The following PTPDC1 variants were observed in gnomAD, a reference collection of about 807,000 sequenced individuals.
PTPDC1 encodes protein tyrosine phosphatase domain-containing protein 1.
PTPDC1 carries 53 observed loss-of-function variants against 75.3 expected under a neutral mutation model. The observed-to-expected ratio is 0.70, with a 90% CI of 0.56 to 0.88. The LOEUF (loss-of-function observed/expected upper bound fraction) is 0.88. PTPDC1 is among the 40% of genes least tolerant of loss of function. PTPDC1 has a pLI of 0.00. For missense variants in PTPDC1, 925 were observed against 998.6 expected (o/e 0.93, Z 0.99); for synonymous variants, 349 against 366.2 (o/e 0.95, Z 0.54).
chr9:94,057,503 G>A (rs1024184150), intron 1 of PTPDC1, among the ~76,000 whole-genome samples: 2 of 152,072 alleles, frequency 1.3e-5, no homozygotes, highest in African/African-American at 2.4e-5. Flanking sequence ...AAGATATTGC[G>A]GATACTGGTT....
Position 94,084,510 on chromosome 9 carries a change from C to G in PTPDC1, c.-21C>G, listed in dbSNP as rs574702775. The G allele has an allele frequency of 2.5e-6, 4 of 1,606,974 alleles. No homozygotes were observed. The highest frequency in any genetic ancestry group is 3.4e-6 in the Non-Finnish European group (4 of 1,179,788). On this transcript the variant is annotated 5_prime_UTR_variant, in exon 1 of 9. Transcript: ENST00000620992. The stretch of plus-strand genomic sequence containing the variant: ...GAGTGGGGCTGACTCTTCCTGCCTC[C>G]GGCTCTTGCCTCCCAGTGCCATGCA...
At chr9:94,069,480 A>G (rs1039344369) in intron 2 of PTPDC1, among the ~76,000 whole-genome samples, 1 of 151,530 alleles carries the variant, frequency 6.6e-6, no homozygotes, top group Non-Finnish European at 1.5e-5. Context: ...GTTTCTGTCT[A>G]TATATATTGA....
In PTPDC1 at chr9:94,095,325, T is replaced by C; in HGVS notation, c.625T>C (p.Tyr209His). ...CTTTTCTTTTTTCCTAGTTTACTTC[T>C]ACAATTTCGGATGGAAGGATTATGG... ...EAFMEAGIYF[Y>H]NFGWKDYGVA... The change falls in exon 5 of 9, where the codon TAC becomes CAC. Residue 209 changes from tyrosine to histidine, a missense_variant. Tyr to His is a moderately conservative substitution (Grantham distance 83). Coordinates refer to ENST00000620992, the MANE Select transcript of PTPDC1 (RefSeq NM_001253829.2). The C allele has an allele frequency of 6.2e-7, 1 of 1,600,448 alleles. No individual in the cohort carries two copies. The highest frequency in any genetic ancestry group is 1.1e-5 in the South Asian group (1 of 87,702).
intron 5 of PTPDC1, among the ~76,000 whole-genome samples, chr9:94,096,388 T>C (rs1827569119): frequency 6.6e-6 from 1 of 152,168 alleles, no homozygotes; most frequent in South Asian, 2.1e-4. Flanking sequence ...TGTGTCCTAG[T>C]GAGAAAGGTA....
chr9:94,100,717 T>C (rs1484709040), intron 6 of PTPDC1: 1 of 152,250 alleles, frequency 6.6e-6, no homozygotes, highest in Non-Finnish European at 1.5e-5. Flanking sequence ...GTGCATGTAG[T>C]AAATATTGGG....
chr9:94,090,949 G>C (rs1393115037), intron 4 of PTPDC1, among the ~76,000 whole-genome samples: 1 of 152,136 alleles, frequency 6.6e-6, no homozygotes, highest in Non-Finnish European at 1.5e-5. Context: ...AGACTTTGCT[G>C]AAGTTGCCTG....
At chr9:94,085,144 C>T (rs939074781) in intron 1 of PTPDC1, 107 bp from the exon 2 acceptor site, 3 of 935,664 alleles carry the variant, frequency 3.2e-6, no homozygotes, top group Admixed American at 2.7e-5. Context: ...GGTGATTTTG[C>T]ACTGGCTTGT....
At chr9:94,089,194 G>C (rs867234982) in intron 4 of PTPDC1, among the ~76,000 whole-genome samples, 7 of 141,008 alleles carry the variant, frequency 5.0e-5, no homozygotes, top group African/African-American at 1.8e-4. Context: ...TCGTCATCTA[G>C]CATTAGGTAT....
intron 4 of PTPDC1, among the ~76,000 whole-genome samples, chr9:94,094,165 T>TA (rs1194277145): frequency 7.2e-5 from 11 of 152,208 alleles, no homozygotes; most frequent in African/African-American, 2.7e-4. Context: ...CTCTACTTTT[T>TA]AGAGTTTCCA....
At position 94,108,129 on chromosome 9, in the gene PTPDC1, C is replaced by T. The variant is rs1828086088; in HGVS notation, c.*185C>T. The T allele has an allele frequency of 2.7e-6, 1 of 366,454 alleles. No individual in the cohort carries two copies. The highest frequency in any genetic ancestry group is 4.9e-6 in the Non-Finnish European group (1 of 204,690). The allele number at this position is 366,454 out of a possible 1,614,324, so 22.7% of individuals were successfully genotyped here. On this transcript the variant is annotated 3_prime_UTR_variant, in exon 9 of 9. Transcript: ENST00000620992. The stretch of plus-strand genomic sequence containing the variant: ...TTTATTTTAAAATATATTTAAGCTA[C>T]ATTTTTGTTTTGAAAAATTGCCATA...
rs1334046908 is a variant in PTPDC1 at position 94,085,327 on chromosome 9, A to AT, written c.322dup (p.Cys108LeufsTer8). On this transcript the variant is annotated frameshift_variant, in exon 2 of 9. Coordinates refer to ENST00000620992, the MANE Select transcript of PTPDC1 (RefSeq NM_001253829.2). LOFTEE classifies it high-confidence loss of function. ...GGCATGTCATTCCTGGACACATGGC[A>AT]TGTTCCATGGCGTGTGGCGGTAGAG... 6.2e-6 allele frequency: 10 copies of AT among 1,614,108 alleles called. No homozygotes were observed. Among genetic ancestry groups the AT allele is most frequent in the Non-Finnish European group, 8.5e-6 (10 of 1,180,032 alleles).
intron 1 of PTPDC1, among the ~76,000 whole-genome samples, chr9:94,059,711 C>T (rs1282475332): frequency 6.6e-6 from 1 of 152,172 alleles, no homozygotes; most frequent in East Asian, 1.9e-4. Flanking sequence ...AAATGGTCTA[C>T]TTCTGTGGGA....
intron 8 of PTPDC1, 112 bp from the exon 9 acceptor site, chr9:94,107,716 T>G (rs1828071088): frequency 1.9e-6 from 1 of 527,990 alleles, no homozygotes; most frequent in Non-Finnish European, 3.4e-6. Flanking sequence ...GTATTTTATA[T>G]AGAGTTTTGT....
At chr9:94,033,518 G>A (rs1485458011) in intron 1 of PTPDC1, among the ~76,000 whole-genome samples, 3 of 152,074 alleles carry the variant, frequency 2.0e-5, no homozygotes, top group Admixed American at 6.6e-5. Context: ...ATGTGACCTC[G>A]GGCTGGTGAC....
chr9:94,097,577 A>G lies in PTPDC1; in HGVS notation c.1011A>G (p.Lys337=), dbSNP rs1827640412. Residue 337 remains lysine, a synonymous_variant, in exon 6 of 9, where the codon AAA becomes AAG. Transcript: ENST00000620992. ...LLHGYEARLL[K]HVPKIIHLVC... is the part of the protein sequence containing the mutation. ...ATGGTTATGAGGCACGACTTCTGAA[A>G]CACGTGCCAAAAATTATCCACCTAG... 1 of 1,613,934 alleles carries G rather than the reference A, an allele frequency of 6.2e-7. No homozygotes were observed. The highest frequency in any genetic ancestry group is 8.5e-7 in the Non-Finnish European group (1 of 1,180,056).
At chr9:94,095,135 C>T (rs1385861109) in intron 4 of PTPDC1, among the ~76,000 whole-genome samples, 182 bp from the exon 5 acceptor site, 3 of 152,226 alleles carry the variant, frequency 2.0e-5, no homozygotes, top group African/African-American at 7.2e-5. Flanking sequence ...ATAAAATGTG[C>T]TTTGTGAGTA....
chr9:94,035,033 GTTTAC>G (rs1286459019), intron 1 of PTPDC1, among the ~76,000 whole-genome samples: 3 of 152,034 alleles, frequency 2.0e-5, no homozygotes, highest in African/African-American at 7.3e-5. Flanking sequence ...ATAGTAATAT[GTTTAC>G]TTTATACCTT....
At chr9:94,071,527 A>C (rs1416242743) in intron 2 of PTPDC1, among the ~76,000 whole-genome samples, 1 of 152,196 alleles carries the variant, frequency 6.6e-6, no homozygotes, top group African/African-American at 2.4e-5. Flanking sequence ...TATGGATTAC[A>C]CTTTTGCTGT....
intron 2 of PTPDC1, among the ~76,000 whole-genome samples, chr9:94,086,433 A>T (rs554394391): frequency 1.6e-4 from 24 of 152,328 alleles, no homozygotes; most frequent in Non-Finnish European, 3.4e-4. Context: ...TACACTAATT[A>T]TCACTGGGGG....
Sources: allele counts gnomAD v4.1 joint callset (sites outside exome capture counted in the v4.1 genomes callset), GRCh38; gene constraint gnomAD v4.1.1; transcripts MANE v1.5; gene names NCBI Gene and HGNC (gene_info 2026-07-23, HGNC 2026-07-21).